The following DLG2 variants were observed in gnomAD, a reference collection of about 807,000 sequenced individuals.
DLG2 encodes the protein discs large MAGUK scaffold protein 2.
A neutral mutation model predicts 132.5 loss-of-function variants in DLG2; 45 were observed. The observed-to-expected ratio is 0.34, with a 90% confidence interval of 0.27 to 0.44. The LOEUF is 0.44. Ranked by LOEUF, DLG2 falls within the 20% of genes least tolerant of loss-of-function variation. DLG2 has a pLI of 1.00. For synonymous variants in DLG2, 424 were observed against 419.6 expected, an observed-to-expected ratio of 1.01 and a Z score of -0.13; for missense variants, 1,045 against 1,196.9, an observed-to-expected ratio of 0.87 and a Z score of 1.87.
intron 11 of DLG2, among the ~76,000 whole-genome samples, chr11:84,017,300 G>A (rs781234538): frequency 3.3e-5 from 5 of 151,944 alleles, no homozygotes; most frequent in Non-Finnish European, 5.9e-5. Flanking sequence ...ATTCACAGAT[G>A]ATTATAAACA....
At chr11:84,770,181 A>T (rs1461833452) in intron 6 of DLG2, among the ~76,000 whole-genome samples, 1 of 152,098 alleles carries the variant, frequency 6.6e-6, no homozygotes, top group East Asian at 1.9e-4. Flanking sequence ...GCTGTGTGAC[A>T]TTCCTATTCC....
intron 4 of DLG2, among the ~76,000 whole-genome samples, chr11:85,280,130 T>C (rs1488262323): frequency 1.3e-5 from 2 of 152,052 alleles, no homozygotes; most frequent in East Asian, 1.9e-4. Flanking sequence ...TATATCCTTT[T>C]ATTTGATTCT....
intron 7 of DLG2, among the ~76,000 whole-genome samples, chr11:84,462,305 T>C (rs889948992): frequency 1.3e-5 from 2 of 151,098 alleles, no homozygotes; most frequent in Non-Finnish European, 3.0e-5. Flanking sequence ...ATATCTCTTT[T>C]ATCCTTAGAC....
intron 23 of DLG2, 84 bp from the exon 24 acceptor site, chr11:83,471,811 T>C: frequency 9.3e-7 from 1 of 1,080,996 alleles, no homozygotes; most frequent in Non-Finnish European, 1.4e-6. Flanking sequence ...GATTCTTAAT[T>C]GCCAGACAGT....
At chr11:84,437,551 G>C (rs756443882) in intron 7 of DLG2, 1 of 152,144 alleles carries the variant, frequency 6.6e-6, no homozygotes, top group Non-Finnish European at 1.5e-5. Context: ...AATCAGGCTG[G>C]AGCTGTCACT....
intron 6 of DLG2, among the ~76,000 whole-genome samples, chr11:85,011,942 T>C (rs2059176366): frequency 1.3e-5 from 2 of 152,210 alleles, no homozygotes; most frequent in African/African-American, 4.8e-5. Flanking sequence ...TTCTAGGTTC[T>C]AGAGGCACAT....
At chr11:84,330,158 G>T (rs1457981518) in intron 7 of DLG2, among the ~76,000 whole-genome samples, 2 of 152,122 alleles carry the variant, frequency 1.3e-5, no homozygotes, top group Non-Finnish European at 2.9e-5. Context: ...TATTTCCATT[G>T]TAATTTCCAG....
At chr11:84,632,218 C>G (rs963758973) in intron 6 of DLG2, among the ~76,000 whole-genome samples, 1 of 151,640 alleles carries the variant, frequency 6.6e-6, no homozygotes, top group Non-Finnish European at 1.5e-5. Context: ...TAGCACTTGT[C>G]AACAAGAACA....
chr11:84,376,913 C>T (rs544566594), intron 7 of DLG2, among the ~76,000 whole-genome samples: 39 of 151,920 alleles, frequency 2.6e-4, no homozygotes, highest in African/African-American at 9.2e-4. Context: ...ATTAGAAAAT[C>T]ACCAAATGGC....
intron 7 of DLG2, among the ~76,000 whole-genome samples, chr11:84,298,383 C>T (rs2098116869): frequency 3.9e-5 from 6 of 152,112 alleles, no homozygotes; most frequent in Admixed American, 3.9e-4. Flanking sequence ...ATTGTCTGGG[C>T]TTTCAAAAGG....
chr11:85,456,535 T>A (rs2092428095), intron 3 of DLG2, among the ~76,000 whole-genome samples: 1 of 152,180 alleles, frequency 6.6e-6, no homozygotes, highest in South Asian at 2.1e-4. Context: ...CTCTTGTGTC[T>A]CTAGTTTCTC....
At chr11:83,620,895 T>C (rs1288067406) in intron 19 of DLG2, among the ~76,000 whole-genome samples, 2 of 88,232 alleles carry the variant, frequency 2.3e-5, no homozygotes, top group Admixed American at 1.1e-4. Flanking sequence ...AAAAAAAAAA[T>C]GCATTCCTAA....
chr11:84,801,588 T>C (rs1333881212), intron 6 of DLG2, among the ~76,000 whole-genome samples: 1 of 152,126 alleles, frequency 6.6e-6, no homozygotes, highest in Non-Finnish European at 1.5e-5. Context: ...TGAGAAAAAG[T>C]TGCTTTTGTC....
chr11:85,467,784 G>A (rs2092843161), intron 3 of DLG2, among the ~76,000 whole-genome samples: 1 of 152,050 alleles, frequency 6.6e-6, no homozygotes, highest in African/African-American at 2.4e-5. Context: ...TTTTTGTTAT[G>A]TCTCTGCCAG....
chr11:84,506,025 C>T (rs561977189), intron 7 of DLG2, among the ~76,000 whole-genome samples: 8 of 150,012 alleles, frequency 5.3e-5, no homozygotes, highest in Admixed American at 3.3e-4. Flanking sequence ...CTTGAGATGG[C>T]GAGTTTACGC....
At chr11:85,492,023 G>A (rs961957298) in intron 3 of DLG2, among the ~76,000 whole-genome samples, 1 of 151,788 alleles carries the variant, frequency 6.6e-6, no homozygotes, top group Non-Finnish European at 1.5e-5. Context: ...AAAACAGCAA[G>A]ATACTCTCAT....
chr11:83,539,544 T>C (rs2095998150), intron 20 of DLG2, among the ~76,000 whole-genome samples: 1 of 152,020 alleles, frequency 6.6e-6, no homozygotes. Flanking sequence ...ATAAAAGGTA[T>C]TACTTTTACA....
rs148630229 is a variant in DLG2 at position 85,188,269 on chromosome 11, G to C, written c.187-33618C>G. On this transcript the variant is annotated intron_variant, in intron 4 of 27. Coordinates refer to ENST00000376104, the MANE Select transcript of DLG2 (RefSeq NM_001142699.3). ...CTGACCACTAAGCTATGCTGACATA[G>C]GGGTGACCCATAGAAAGCCAGGATT... Among the ~76,000 whole-genome samples, 1,149 of 152,248 alleles carry C rather than the reference G, an allele frequency of 7.5e-3. 12 individuals are homozygous for C. The highest frequency in any genetic ancestry group is 0.011 in the Admixed American group (174 of 15,288).
intron 7 of DLG2, among the ~76,000 whole-genome samples, chr11:84,301,567 G>A (rs2098153504): frequency 6.7e-6 from 1 of 149,656 alleles, no homozygotes; most frequent in Non-Finnish European, 1.5e-5. Context: ...GCTGAGGCAG[G>A]AGAAGGGTGT....
Sources: allele counts gnomAD v4.1 joint callset (sites outside exome capture counted in the v4.1 genomes callset), GRCh38; gene constraint gnomAD v4.1.1; transcripts MANE v1.5; gene names NCBI Gene and HGNC (gene_info 2026-07-23, HGNC 2026-07-21).